CTNND2: variants seen among roughly 807,000 people sequenced by gnomAD.
CTNND2 encodes catenin delta 2, also known as catenin delta-2.
Under a neutral mutation model 144.4 loss-of-function variants are expected in CTNND2, and 22 were observed. That is an observed-to-expected ratio of 0.15 (90% CI 0.11 to 0.22). The LOEUF (loss-of-function observed/expected upper bound fraction) is 0.22. Among genes scored for constraint, CTNND2 ranks in the 10% least tolerant of loss-of-function variants. The pLI is 1.00. For synonymous variants in CTNND2, 751 were observed against 695.6 expected, an observed-to-expected ratio of 1.08 and a Z score of -1.25; for missense variants, 1,353 against 1,618.8, an observed-to-expected ratio of 0.84 and a Z score of 2.82.
chr5:11,545,900 T>A (rs1775196580), intron 3 of CTNND2, among the ~76,000 whole-genome samples: 2 of 152,312 alleles, frequency 1.3e-5, no homozygotes, highest in South Asian at 4.1e-4. Flanking sequence ...GTATAATTTA[T>A]CCATACATAC....
intron 2 of CTNND2, among the ~76,000 whole-genome samples, chr5:11,620,098 T>C (rs1780760398): frequency 6.6e-6 from 1 of 152,232 alleles, no homozygotes; most frequent in Non-Finnish European, 1.5e-5. Flanking sequence ...AAACAGTAGC[T>C]TCATCATTAT....
chr5:11,026,347 CT>C (rs1261507664), intron 16 of CTNND2, among the ~76,000 whole-genome samples: 3 of 129,644 alleles, frequency 2.3e-5, no homozygotes, highest in African/African-American at 8.2e-5. Flanking sequence ...ACTACTCCAC[CT>C]TCTTCTTCTT....
At chr5:11,464,789 T>C (rs1362227425) in intron 3 of CTNND2, among the ~76,000 whole-genome samples, 2 of 152,162 alleles carry the variant, frequency 1.3e-5, no homozygotes, top group African/African-American at 2.4e-5. Context: ...GGGTAGAATA[T>C]GGGGTTTAAG....
chr5:11,384,541 T>A lies in CTNND2; in HGVS notation c.1177+124A>T. The A allele has an allele frequency of 1.2e-6, 1 of 829,738 alleles. No individual in the cohort carries two copies. The highest frequency in any genetic ancestry group is 1.8e-5 in the South Asian group (1 of 55,512). The allele number at this position is 829,738 out of a possible 1,614,324, so 51.4% of individuals were successfully genotyped here. A position where few individuals can be genotyped will look rare whatever the true frequency, so the allele number is the denominator to read the frequency against. ...CAGGAAAGCCCTGGCGTTCTCTGTC[T>A]CCTGCAACTACTACAACCTGGCAGA... On this transcript the variant is annotated intron_variant, in intron 7 of 21. Coordinates refer to ENST00000304623, the MANE Select transcript of CTNND2 (RefSeq NM_001332.4). The surrounding 1 kb of genome is among the most constrained non-coding windows in gnomAD (Gnocchi z 5.2).
At chr5:11,712,925 C>A (rs1275710659) in intron 2 of CTNND2, among the ~76,000 whole-genome samples, 1 of 152,070 alleles carries the variant, frequency 6.6e-6, no homozygotes, top group South Asian at 2.1e-4. Flanking sequence ...CACACAAAAG[C>A]AGAGGTATTT....
intron 1 of CTNND2, among the ~76,000 whole-genome samples, chr5:11,757,579 A>G (rs1283109252): frequency 3.3e-5 from 5 of 151,972 alleles, no homozygotes; most frequent in African/African-American, 4.8e-5. Flanking sequence ...CGCCAACAAC[A>G]TAAAGGAATG....
chr5:11,556,092 A>G (rs1461684626), intron 3 of CTNND2, among the ~76,000 whole-genome samples: 1 of 152,154 alleles, frequency 6.6e-6, no homozygotes, highest in Non-Finnish European at 1.5e-5. Flanking sequence ...TTTTCCTAGC[A>G]TGGAAACTAA....
intron 8 of CTNND2, among the ~76,000 whole-genome samples, chr5:11,357,433 A>C (rs1756006205): frequency 6.6e-6 from 1 of 152,138 alleles, no homozygotes. Context: ...CAGGCACAGA[A>C]AGACAAATAC....
chr5:11,798,998 T>C (rs1791543532), intron 1 of CTNND2, among the ~76,000 whole-genome samples: 1 of 151,928 alleles, frequency 6.6e-6, no homozygotes, highest in South Asian at 2.1e-4. Flanking sequence ...TGTACAAGAG[T>C]GCTATCTCAG....
At chr5:11,519,569 C>T (rs964170409) in intron 3 of CTNND2, among the ~76,000 whole-genome samples, 4 of 150,698 alleles carry the variant, frequency 2.7e-5, no homozygotes, top group African/African-American at 9.8e-5. Context: ...AGACGATTGG[C>T]GTCTTGTCTT....
chr5:11,402,981 TA>T (rs1760759794), intron 5 of CTNND2, among the ~76,000 whole-genome samples: 1 of 152,226 alleles, frequency 6.6e-6, no homozygotes, highest in African/African-American at 2.4e-5. Flanking sequence ...GATGGATACA[TA>T]AAGGATTGGT....
chr5:11,016,577 T>C (rs951318062), intron 18 of CTNND2, among the ~76,000 whole-genome samples: 3 of 152,134 alleles, frequency 2.0e-5, no homozygotes, highest in East Asian at 3.9e-4. Flanking sequence ...GGGCTATAGA[T>C]GGGGATGGAG....
intron 2 of CTNND2, among the ~76,000 whole-genome samples, chr5:11,600,291 C>T (rs1269507159): frequency 3.3e-5 from 5 of 151,992 alleles, no homozygotes; most frequent in African/African-American, 9.7e-5. Context: ...TACACTAAAA[C>T]TAAAAAAACA....
chr5:11,630,252 C>T (rs79424171), intron 2 of CTNND2, among the ~76,000 whole-genome samples: 8,108 of 152,206 alleles, frequency 0.053, 397 homozygotes, highest in African/African-American at 0.12. Context: ...AGTGCTGTGA[C>T]AAATGTCTGC....
At chr5:11,694,464 A>T (rs1013258165) in intron 2 of CTNND2, among the ~76,000 whole-genome samples, 1 of 152,032 alleles carries the variant, frequency 6.6e-6, no homozygotes, top group Non-Finnish European at 1.5e-5. Flanking sequence ...GAAAAAAACA[A>T]AACCAAACTG....
chr5:11,656,601 A>C (rs1248483681), intron 2 of CTNND2, among the ~76,000 whole-genome samples: 1 of 152,010 alleles, frequency 6.6e-6, no homozygotes, highest in Admixed American at 6.6e-5. Context: ...TCAAAAGATA[A>C]CTCATGCTCC....
intron 1 of CTNND2, among the ~76,000 whole-genome samples, chr5:11,805,837 T>C (rs761189494): frequency 6.6e-6 from 1 of 152,096 alleles, no homozygotes; most frequent in Non-Finnish European, 1.5e-5. Context: ...TGTGACTTCC[T>C]TCCAATTAGT....
chr5:11,669,807 G>C (rs1359589925), intron 2 of CTNND2, among the ~76,000 whole-genome samples: 1 of 151,780 alleles, frequency 6.6e-6, no homozygotes, highest in Non-Finnish European at 1.5e-5. Flanking sequence ...GAATTTGTTT[G>C]CTCTGGTTTC....
rs1347137331 is a variant in CTNND2 at position 11,904,059 on chromosome 5, G to C, written c.-206C>G. 1 of 309,778 alleles carries C rather than the reference G, an allele frequency of 3.2e-6. No individual in the cohort carries two copies. The highest frequency in any genetic ancestry group is 7.4e-5 in the East Asian group (1 of 13,578). The allele number at this position is 309,778 out of a possible 1,614,324, so 19.2% of individuals were successfully genotyped here. On this transcript the variant is annotated 5_prime_UTR_variant, in exon 1 of 22. Coordinates refer to ENST00000304623, the MANE Select transcript of CTNND2 (RefSeq NM_001332.4). This position sits in a 1 kb window ranked among gnomAD's most constrained non-coding sequence, Gnocchi z 4.2. ...CTCCCGACGCGAGTGCGCAGCGCCC[G>C]GCCCGGCGGCCCCTCCGAGCTCGGC... is the stretch of plus-strand genomic sequence containing the variant.
Sources: gnomAD v4.1 joint callset for allele counts (sites outside exome capture counted in the v4.1 genomes callset) on GRCh38, gnomAD v4.1.1 for gene constraint, Gnocchi (gnomAD v3.1) non-coding constraint, MANE v1.5 for transcripts, NCBI Gene and HGNC (gene_info 2026-07-23, HGNC 2026-07-21) for gene names.